REL: variants seen among roughly 807,000 people sequenced by gnomAD.
REL encodes proto-oncogene c-Rel.
REL carries 15 observed loss-of-function variants against 45.9 expected under a neutral mutation model. The observed-to-expected ratio is 0.33, with a 90% confidence interval of 0.22 to 0.50. The LOEUF (loss-of-function observed/expected upper bound fraction) is 0.50, where lower values mean the gene tolerates loss of function less well. Among genes scored for constraint, REL ranks in the 20% least tolerant of loss-of-function variants. REL has a pLI of 0.98. For synonymous variants in REL, 239 were observed against 242.1 expected, an observed-to-expected ratio of 0.99 and a Z score of 0.12; for missense variants, 601 against 715.2, an observed-to-expected ratio of 0.84 and a Z score of 1.82.
At position 60,891,604 on chromosome 2, in the gene REL, A is replaced by G. The variant is rs10185028; in HGVS notation, c.11-79A>G. On this transcript the variant is annotated intron_variant, in intron 1 of 9. Transcript: ENST00000394479. ...AATCTTTGTTTTAGTCTGCTGTTAT[A>G]AAAAAAACAGAATGTTAAAATCCAT... 277,646 of 1,228,658 alleles carry G rather than the reference A, an allele frequency of 0.23. 32,722 individuals are homozygous for G. The highest frequency in any genetic ancestry group is 0.34 in the Middle Eastern group (1,494 of 4,372). The allele number at this position is 1,228,658 out of a possible 1,614,324, so 76.1% of individuals were successfully genotyped here.
In REL at chr2:60,916,995, C is replaced by T. The variant is rs373998449; in HGVS notation, c.513C>T (p.Val171=). 14 of 1,612,820 alleles carry T rather than the reference C, an allele frequency of 8.7e-6. No individual in the cohort carries two copies. In the African/African-American group the frequency reaches 1.7e-4, roughly 20 times the overall value. ...GNLTTALPPV[V]SNPIYDNRAP... ...TGACGACTGCTCTTCCTCCTGTTGTCTCGAACCCAATTTATGACAACCGTA... is the reference window on the plus strand; with the variant it reads ...TGACGACTGCTCTTCCTCCTGTTGTTTCGAACCCAATTTATGACAACCGTA... Residue 171 remains valine, a synonymous_variant, in exon 5 of 10, where the codon GTC becomes GTT. Coordinates refer to ENST00000394479, the MANE Select transcript of REL (RefSeq NM_001291746.2).
rs1673368524 is a variant in REL, at chr2:60,897,038, T to G, written c.302+2493T>G. On this transcript the variant is annotated intron_variant, in intron 3 of 9. Transcript: ENST00000394479. ...TCAGTTTTTTACATTATTGGCGATA[T>G]TATCTTGGCATTCTATTATAAAGAA... Among the ~76,000 whole-genome samples, 3 of 152,202 alleles carry G rather than the reference T, an allele frequency of 2.0e-5. 1 individual carries two copies. In the South Asian group the frequency reaches 6.2e-4, roughly 31 times the overall value.
At chr2:60,898,508 C>A (rs1171726556) in intron 3 of REL, among the ~76,000 whole-genome samples, 1 of 152,168 alleles carries the variant, frequency 6.6e-6, no homozygotes, top group East Asian at 1.9e-4. Context: ...GCATAGGCTC[C>A]CATAACATCA....
chr2:60,918,691 A>T, intron 7 of REL, 85 bp downstream of exon 7: 1 of 893,338 alleles, frequency 1.1e-6, no homozygotes, highest in Non-Finnish European at 1.8e-6. Context: ...ATTTGAGTAC[A>T]GTTATGTATA....
Position 60,894,418 on chromosome 2 carries a change from G to C in REL, c.175G>C (p.Gly59Arg). Residue 59 changes from glycine to arginine, a missense_variant, in exon 3 of 10, where the codon GGA (glycine) becomes CGA (arginine). Physicochemically the swap from Gly to Arg is moderately radical, Grantham distance 125. This residue lies in a region of REL where 241 missense variants were observed against 347.0 expected (regional missense o/e 0.69). Transcript: ENST00000394479. ...SIQIMNYYGK[G>R]KVRITLVTKN... ...TCAGATTATGAACTATTATGGAAAA[G>C]GAAAAGTGAGAATTACATTAGTAAC... is the stretch of plus-strand genomic sequence containing the variant. 1 of 1,564,442 alleles carries C rather than the reference G, an allele frequency of 6.4e-7. No individual in the cohort carries two copies. The highest frequency in any genetic ancestry group is 8.7e-7 in the Non-Finnish European group (1 of 1,149,050).
chr2:60,922,370 T>G lies in REL; in HGVS notation c.1599T>G (p.Ser533=). 1 of 1,614,184 alleles carries G rather than the reference T, an allele frequency of 6.2e-7. No individual in the cohort carries two copies. Among genetic ancestry groups the G allele is most frequent in the Non-Finnish European group, 8.5e-7 (1 of 1,180,024 alleles). The part of the protein sequence containing the change: ...FVSQSDAFEG[S]DFSCADNSMI... ...CACAATCAGATGCATTTGAGGGATC[T>G]GACTTCAGTTGTGCAGATAACAGCA... The change falls in exon 10 of 10, where the codon TCT becomes TCG. Residue 533 remains serine (S), a synonymous_variant. Transcript: ENST00000394479.
chr2:60,907,733 C>T (rs534701822), intron 4 of REL, among the ~76,000 whole-genome samples: 1 of 151,720 alleles, frequency 6.6e-6, no homozygotes, highest in Non-Finnish European at 1.5e-5. Flanking sequence ...CTCTGTTGCC[C>T]AGGCTGGAGT....
At chr2:60,892,864 C>G (rs563740778) in intron 2 of REL, among the ~76,000 whole-genome samples, 11 of 152,258 alleles carry the variant, frequency 7.2e-5, no homozygotes, top group African/African-American at 2.4e-4. Flanking sequence ...AAGCAGTTCT[C>G]CCGTCTCAGC....
rs2103998691 is a variant in REL, at chr2:60,927,069, CCTTA to C, written c.*4538_*4541del. The C allele has an allele frequency of 4.4e-6, 1 of 228,070 alleles. No homozygotes were observed. 14.1% of individuals were successfully genotyped at this position (228,070 alleles called of 1,614,324 possible). On this transcript the variant is annotated 3_prime_UTR_variant, in exon 10 of 10. Transcript: ENST00000394479. Reference sequence around the variant, plus strand: ...TTCTGTATGAAGGTTGGTCCTGCCTCCTTACTTGAGGTGAAGCTTTGTACATGCC... The same window carrying C: ...TTCTGTATGAAGGTTGGTCCTGCCTCCTTGAGGTGAAGCTTTGTACATGCC...
At chr2:60,895,468 T>A (rs1673325987) in intron 3 of REL, among the ~76,000 whole-genome samples, 1 of 152,078 alleles carries the variant, frequency 6.6e-6, no homozygotes, top group Non-Finnish European at 1.5e-5. Flanking sequence ...AGGCGTGAGC[T>A]GCTGTGCCAC....
chr2:60,907,228 T>C (rs1025750921), intron 4 of REL, among the ~76,000 whole-genome samples: 1 of 151,950 alleles, frequency 6.6e-6, no homozygotes, highest in Non-Finnish European at 1.5e-5. Context: ...CCAGTACCTG[T>C]ACATATTTCT....
intron 4 of REL, among the ~76,000 whole-genome samples, chr2:60,909,799 G>A (rs192976567): frequency 6.6e-6 from 1 of 152,270 alleles, no homozygotes; most frequent in East Asian, 1.9e-4. Flanking sequence ...TACTTGGGAG[G>A]CTGAGGCAGG....
At position 60,894,434 on chromosome 2, in the gene REL, C is replaced by T. The variant is rs1472110849; in HGVS notation, c.191C>T (p.Thr64Ile). ...NYYGKGKVRITLVTKNDPYKP... is the reference protein window; with the variant it reads ...NYYGKGKVRIILVTKNDPYKP... ...TATGGAAAAGGAAAAGTGAGAATTA[C>T]ATTAGTAACAAAGAATGACCCATAT... The change falls in exon 3 of 10, where the codon ACA (threonine) becomes ATA (isoleucine). Residue 64 changes from threonine (T) to isoleucine (I), a missense_variant. By Grantham distance (89) the Thr-to-Ile change is moderately conservative (BLOSUM62 -1). Coordinates refer to ENST00000394479, the MANE Select transcript of REL (RefSeq NM_001291746.2). 2 of 1,581,870 alleles carry T rather than the reference C, an allele frequency of 1.3e-6. No homozygotes were observed. The highest frequency in any genetic ancestry group is 3.5e-5 in the Admixed American group (2 of 56,676).
chr2:60,920,081 G>C lies in REL; in HGVS notation c.894G>C (p.Leu298=), dbSNP rs1329077928. The C allele has an allele frequency of 1.9e-6, 3 of 1,612,040 alleles. No individual in the cohort carries two copies. In the East Asian group the frequency reaches 6.7e-5, roughly 36 times the overall value. Residue 298 remains leucine, a synonymous_variant, in exon 8 of 10, where the codon CTG becomes CTC. Coordinates refer to ENST00000394479, the MANE Select transcript of REL (RefSeq NM_001291746.2). The part of the protein sequence containing the change: ...GNKAKKQKTT[L]LFQKLCQDHV... ...AAGCAAAGAAACAAAAGACAACTCT[G>C]CTTTTCCAGAAACTGTGCCAGGATC... is the stretch of plus-strand genomic sequence containing the variant.
chr2:60,905,490 G>A (rs1244815834), intron 4 of REL, among the ~76,000 whole-genome samples: 2 of 152,144 alleles, frequency 1.3e-5, no homozygotes, highest in Middle Eastern at 3.2e-3. Context: ...GTAGATTTCA[G>A]GCCACACTTC....
chr2:60,907,885 G>C (rs994208153), intron 4 of REL, among the ~76,000 whole-genome samples: 1 of 151,420 alleles, frequency 6.6e-6, no homozygotes, highest in African/African-American at 2.4e-5. Flanking sequence ...GTAGAGACAG[G>C]GTTCCACCGT....
chr2:60,896,117 C>T (rs1673341250), intron 3 of REL, among the ~76,000 whole-genome samples: 1 of 151,972 alleles, frequency 6.6e-6, no homozygotes, highest in African/African-American at 2.4e-5. Context: ...ATTCTCCTGC[C>T]TCAGCCTCCC....
In REL at chr2:60,928,238, G is replaced by T. The variant is rs564709874; in HGVS notation, c.*5703G>T. 6.2e-6 allele frequency: 1 copy of T among 160,826 alleles called. No individual in the cohort carries two copies. Among genetic ancestry groups the T allele is most frequent in the Non-Finnish European group, 1.4e-5 (1 of 73,184 alleles). 10.0% of individuals were successfully genotyped at this position (160,826 alleles called of 1,614,324 possible). ...AGGAAGAATCAATATCGTGAAAATG[G>T]CCATACTGCCCAAGGTAATTTACAG... On this transcript the variant is annotated 3_prime_UTR_variant, in exon 10 of 10. Transcript: ENST00000394479.
intron 2 of REL, among the ~76,000 whole-genome samples, chr2:60,893,958 G>A (rs1477471436): frequency 1.3e-5 from 2 of 152,130 alleles, no homozygotes; most frequent in African/African-American, 4.8e-5. Flanking sequence ...TTTTTGTGAA[G>A]TGAAATGTCA....
Sources: gnomAD v4.1 joint callset for allele counts (sites outside exome capture counted in the v4.1 genomes callset) on GRCh38, gnomAD v4.1.1 for gene constraint, gnomAD v4.1.1 regional missense constraint, MANE v1.5 for transcripts, NCBI Gene and HGNC (gene_info 2026-07-23, HGNC 2026-07-21) for gene names.